The following PAM variants were observed in gnomAD, a reference collection of about 807,000 sequenced individuals.
The protein encoded by PAM is peptidyl-glycine alpha-amidating monooxygenase.
In PAM, 72 loss-of-function variants were observed where a neutral mutation model predicts 122.1. The observed-to-expected ratio is 0.59, with a 90% confidence interval of 0.49 to 0.72. PAM has a LOEUF of 0.72. PAM is among the 30% of genes least tolerant of loss of function. The pLI is 0.00. For missense variants in PAM, 1,106 were observed against 1,183.7 expected (o/e 0.93, Z 0.96); for synonymous variants, 389 against 404.4 (o/e 0.96, Z 0.46).
At chr5:102,990,568 G>C (rs1773758362) in intron 16 of PAM, among the ~76,000 whole-genome samples, 167 bp downstream of exon 16, 2 of 152,200 alleles carry the variant, frequency 1.3e-5, no homozygotes, top group Admixed American at 1.3e-4. Context: ...GTAAGTAGCA[G>C]AGAGGAAGTC....
intron 4 of PAM, among the ~76,000 whole-genome samples, chr5:102,910,785 A>G (rs1801161524): frequency 6.6e-6 from 1 of 151,250 alleles, no homozygotes; most frequent in African/African-American, 2.4e-5. Flanking sequence ...TGGATCCTTT[A>G]TTTCTTTGGT....
At chr5:102,816,018 G>A (rs1769656718) in intron 1 of PAM, among the ~76,000 whole-genome samples, 1 of 152,034 alleles carries the variant, frequency 6.6e-6, no homozygotes, top group South Asian at 2.1e-4. Flanking sequence ...GGGTTTAGCG[G>A]TTTTTAAACT....
intron 1 of PAM, among the ~76,000 whole-genome samples, chr5:102,850,547 C>G (rs1374731150): frequency 1.3e-5 from 2 of 152,172 alleles, no homozygotes; most frequent in African/African-American, 4.8e-5. Context: ...AGAAGAGCCT[C>G]CCTGTGAGCA....
chr5:102,913,823 C>T (rs1802272362), intron 4 of PAM, 111 bp from the exon 5 acceptor site: 1 of 648,288 alleles, frequency 1.5e-6, no homozygotes, highest in East Asian at 2.8e-5. Context: ...ACAAGAACAT[C>T]AAAACATCTT....
chr5:102,970,223 T>C (rs1048563603), intron 14 of PAM, among the ~76,000 whole-genome samples: 34 of 152,294 alleles, frequency 2.2e-4, no homozygotes, highest in Admixed American at 2.0e-3. Flanking sequence ...CCATCCAATA[T>C]GGTAAACACT....
intron 1 of PAM, among the ~76,000 whole-genome samples, chr5:102,781,483 T>C (rs1228676349): frequency 1.3e-5 from 2 of 152,190 alleles, no homozygotes; most frequent in African/African-American, 4.8e-5. Context: ...ATTTTACAAG[T>C]GAGTAAAAAC....
chr5:102,879,648 G>C (rs1352585667), intron 3 of PAM, among the ~76,000 whole-genome samples: 2 of 152,022 alleles, frequency 1.3e-5, no homozygotes, highest in Non-Finnish European at 2.9e-5. Flanking sequence ...TGTTTCCTGA[G>C]GTCTCCCCAG....
intron 1 of PAM, among the ~76,000 whole-genome samples, chr5:102,853,505 TAAAAG>T (rs978852731): frequency 2.0e-5 from 3 of 152,250 alleles, no homozygotes; most frequent in Admixed American, 1.3e-4. Context: ...TTTAGAAAAA[TAAAAG>T]AAAGATTTTA....
At chr5:102,954,654 C>A (rs1037075333) in intron 12 of PAM, among the ~76,000 whole-genome samples, 1 of 152,006 alleles carries the variant, frequency 6.6e-6, no homozygotes, top group Non-Finnish European at 1.5e-5. Flanking sequence ...TGCTTGACTG[C>A]ATTACATATT....
intron 1 of PAM, among the ~76,000 whole-genome samples, chr5:102,779,886 CATATATATATAT>C (rs767088116): frequency 3.1e-4 from 25 of 81,052 alleles, no homozygotes; most frequent in East Asian, 8.2e-4. Context: ...CTCCCATATA[CATATATATATAT>C]ATATATATAT....
intron 1 of PAM, among the ~76,000 whole-genome samples, chr5:102,756,812 C>T (rs190491734): frequency 1.5e-3 from 233 of 152,188 alleles, no homozygotes; most frequent in South Asian, 6.0e-3. Context: ...TAAGCCCTGT[C>T]GTTCCTGCAT....
chr5:103,013,087 A>T (rs1170209256), intron 21 of PAM, among the ~76,000 whole-genome samples: 5 of 151,882 alleles, frequency 3.3e-5, no homozygotes, highest in African/African-American at 1.2e-4. Flanking sequence ...AAATTTTAGA[A>T]TTTTTTTCAT....
chr5:102,881,804 A>G (rs947234086), intron 3 of PAM, among the ~76,000 whole-genome samples: 2 of 150,718 alleles, frequency 1.3e-5, no homozygotes, highest in Admixed American at 6.6e-5. Context: ...TGACCAGTGT[A>G]CACTGTACCC....
intron 11 of PAM, among the ~76,000 whole-genome samples, chr5:102,950,416 G>GGTGGGTGTGTGTGTGT (rs1554134181): frequency 6.9e-6 from 1 of 145,966 alleles, no homozygotes; most frequent in African/African-American, 2.6e-5. Flanking sequence ...TATGTGGGTG[G>GGTGGGTGTGTGTGTGT]GTGTGTGTGT....
At chr5:102,893,780 T>C (rs1254152949) in intron 3 of PAM, among the ~76,000 whole-genome samples, 2 of 151,774 alleles carry the variant, frequency 1.3e-5, no homozygotes, top group Admixed American at 6.6e-5. Flanking sequence ...CAAGCATCCA[T>C]TGAAATTCTC....
chr5:103,006,289 T>C (rs1053646228), intron 18 of PAM, among the ~76,000 whole-genome samples: 2 of 152,178 alleles, frequency 1.3e-5, no homozygotes, highest in African/African-American at 4.8e-5. Flanking sequence ...TTTCTTAAAC[T>C]ACCTTAATCT....
At chr5:102,779,821 C>T (rs112825032) in intron 1 of PAM, among the ~76,000 whole-genome samples, 2 of 143,880 alleles carry the variant, frequency 1.4e-5, no homozygotes, top group East Asian at 4.1e-4. Context: ...ATGCTCCTCG[C>T]CTGCAGACGG....
At chr5:102,787,649 T>A (rs532798015) in intron 1 of PAM, among the ~76,000 whole-genome samples, 51 of 151,928 alleles carry the variant, frequency 3.4e-4, no homozygotes, top group South Asian at 6.2e-4. Context: ...AAGAAAACTA[T>A]TGTGCAGCTC....
intron 1 of PAM, among the ~76,000 whole-genome samples, chr5:102,822,006 GATA>G (rs1422744551): frequency 5.9e-5 from 9 of 152,124 alleles, no homozygotes; most frequent in Admixed American, 4.6e-4. Context: ...AAGCAAGTAA[GATA>G]ATTATTTACC....
Sources: gnomAD v4.1 joint callset for allele counts (sites outside exome capture counted in the v4.1 genomes callset) on GRCh38, gnomAD v4.1.1 for gene constraint, MANE v1.5 for transcripts, NCBI Gene and HGNC (gene_info 2026-07-23, HGNC 2026-07-21) for gene names.